Variants in PPP2R1A observed in about 807,000 individuals in gnomAD.
PPP2R1A encodes the protein serine/threonine-protein phosphatase 2A 65 kDa regulatory subunit A alpha isoform.
A neutral mutation model predicts 67.1 loss-of-function variants in PPP2R1A; 15 were observed. The ratio of observed to expected loss-of-function variants is 0.22; its 90% CI spans 0.15 to 0.34. The LOEUF (loss-of-function observed/expected upper bound fraction) is 0.34. Ranked by LOEUF, PPP2R1A falls within the 10% of genes least tolerant of loss-of-function variation. The probability of loss-of-function intolerance (pLI) is 1.00; values close to 1 mark genes in which losing one functional copy is unlikely to be tolerated. For synonymous variants in PPP2R1A, 337 were observed against 325.0 expected (o/e 1.04, Z -0.40); for missense variants, 369 against 775.0 (o/e 0.48, Z 6.22).
At chr19:52,206,758 C>T (rs891565430) in intron 3 of PPP2R1A, among the ~76,000 whole-genome samples, 4 of 152,154 alleles carry the variant, frequency 2.6e-5, no homozygotes, top group African/African-American at 7.2e-5. Flanking sequence ...CAACAAGCAG[C>T]GTTGTTTGAG....
chr19:52,193,847 C>T (rs1016948411), intron 1 of PPP2R1A, among the ~76,000 whole-genome samples: 1 of 151,928 alleles, frequency 6.6e-6, no homozygotes, highest in South Asian at 2.1e-4. Context: ...TGAGCCACCA[C>T]CCCTGGCCAA....
intron 11 of PPP2R1A, 82 bp from the exon 12 acceptor site, chr19:52,220,897 C>A: frequency 6.6e-7 from 1 of 1,514,232 alleles, no homozygotes; most frequent in Non-Finnish European, 9.1e-7. Flanking sequence ...CTTTGTAAGC[C>A]ATGGTGAGTG....
At chr19:52,202,581 G>A (rs560091725) in intron 2 of PPP2R1A, among the ~76,000 whole-genome samples, 9 of 152,316 alleles carry the variant, frequency 5.9e-5, no homozygotes, top group African/African-American at 1.9e-4. Flanking sequence ...CTGTCCCCAT[G>A]TTATAGATGA....
In PPP2R1A at chr19:52,212,640, C is replaced by A. The variant is rs1568593863; in HGVS notation, c.504-46C>A. On this transcript the variant is annotated intron_variant, in intron 4 of 14. Transcript: ENST00000322088. This position sits in a 1 kb window ranked among gnomAD's most constrained non-coding sequence, Gnocchi z 4.1. ...CTGCAGAGTCTGTGCTTGCTCCTCT[C>A]TGCCATACTGCCTGCTGCCTCAGGA... The A allele has an allele frequency of 6.2e-7, 1 of 1,600,814 alleles. No homozygotes were observed. Among genetic ancestry groups the A allele is most frequent in the South Asian group, 1.1e-5 (1 of 90,656 alleles).
Position 52,213,781 on chromosome 19 carries a change from C to T in PPP2R1A, c.807+671C>T, listed in dbSNP as rs982282451. 2.6e-5 allele frequency among the ~76,000 whole-genome samples: 4 copies of T among 152,010 alleles called. No homozygotes were observed. Among genetic ancestry groups the T allele is most frequent in the Non-Finnish European group, 5.9e-5 (4 of 68,020 alleles). On this transcript the variant is annotated intron_variant, in intron 6 of 14. Coordinates refer to ENST00000322088, the MANE Select transcript of PPP2R1A (RefSeq NM_014225.6). The surrounding 1 kb of genome is among the most constrained non-coding windows in gnomAD (Gnocchi z 4.2). ...GATTACAGGTGTTAGCCACCGCGCC[C>T]AGCCCCGGAAAGTTTAATTAACTGA...
rs553272752 is a variant in PPP2R1A, at chr19:52,221,980, C to T, written c.1519-119C>T. 9.2e-5 allele frequency: 93 copies of T among 1,012,662 alleles called. No individual in the cohort carries two copies. In the East Asian group the frequency reaches 2.3e-3, roughly 25 times the overall value. 62.7% of individuals were successfully genotyped at this position (1,012,662 alleles called of 1,614,324 possible). On this transcript the variant is annotated intron_variant, in intron 12 of 14. Coordinates refer to ENST00000322088, the MANE Select transcript of PPP2R1A (RefSeq NM_014225.6). ...GATTCACTCCACTAACTGAGTCACC[C>T]GTATTGCTCAGCCTCTGTGGGGCCT...
chr19:52,212,865 C>T lies in PPP2R1A; in HGVS notation c.651+32C>T, dbSNP rs747826785. 19 of 1,577,014 alleles carry T rather than the reference C, an allele frequency of 1.2e-5. No homozygotes were observed. The highest frequency in any genetic ancestry group is 3.5e-5 in the South Asian group (3 of 85,020). ...TTTGCTTCCTGGCCCTCTGCTCTCC[C>T]GTCCTTCTGGTGGTTCCTGCCCATG... On this transcript the variant is annotated intron_variant, in intron 5 of 14. Coordinates refer to ENST00000322088, the MANE Select transcript of PPP2R1A (RefSeq NM_014225.6). This position sits in a 1 kb window ranked among gnomAD's most constrained non-coding sequence, Gnocchi z 4.1.
In PPP2R1A at chr19:52,191,965, C is replaced by T. The variant is rs984535867; in HGVS notation, c.78+1791C>T. On this transcript the variant is annotated intron_variant, in intron 1 of 14. Coordinates refer to ENST00000322088, the MANE Select transcript of PPP2R1A (RefSeq NM_014225.6). ...TATAGCAGGAACAAGACAGAAAAAA[C>T]TCTAGGCCTTGGGGAGTTTATTTTG... 3.3e-5 allele frequency among the ~76,000 whole-genome samples: 5 copies of T among 152,212 alleles called. No homozygotes were observed. The South Asian group carries it at 6.2e-4, about 19-fold the overall frequency.
chr19:52,217,688 TTCTC>T (rs922649305), intron 9 of PPP2R1A, among the ~76,000 whole-genome samples: 10 of 152,172 alleles, frequency 6.6e-5, no homozygotes, highest in African/African-American at 2.4e-4. Flanking sequence ...TGGATTTTTT[TTCTC>T]TCTCTCATAA....
At position 52,219,755 on chromosome 19, in the gene PPP2R1A, G is replaced by A. The variant is rs910814626; in HGVS notation, c.1193G>A (p.Arg398Gln). The A allele has an allele frequency of 1.2e-6, 2 of 1,614,038 alleles. No individual in the cohort carries two copies. Among genetic ancestry groups the A allele is most frequent in the Non-Finnish European group, 1.7e-6 (2 of 1,180,026 alleles). ...LDCVNEVIGI[R>Q]QLSQSLLPAI... ...TGTGTGAACGAGGTGATTGGCATCC[G>A]GCAGCTGTCCCAGTCCCTGCTCCCT... The change falls in exon 10 of 15, where the codon CGG (arginine) becomes CAG (glutamine). Residue 398 changes from arginine to glutamine, a missense_variant. By Grantham distance (43) the Arg-to-Gln change is conservative (BLOSUM62 1). Coordinates refer to ENST00000322088, the MANE Select transcript of PPP2R1A (RefSeq NM_014225.6). This position sits in a 1 kb window ranked among gnomAD's most constrained non-coding sequence, Gnocchi z 4.0.
chr19:52,216,049 T>C lies in PPP2R1A; in HGVS notation c.968T>C (p.Met323Thr), dbSNP rs1346749611. The C allele has an allele frequency of 6.2e-7, 1 of 1,614,014 alleles. No homozygotes were observed. Among genetic ancestry groups the C allele is most frequent in the South Asian group, 1.1e-5 (1 of 91,082 alleles). The change falls in exon 8 of 15, where the codon ATG (methionine) becomes ACG (threonine). Residue 323 changes from methionine to threonine, a missense_variant. Transcript: ENST00000322088. This position sits in a 1 kb window ranked among gnomAD's most constrained non-coding sequence, Gnocchi z 4.3. The stretch of plus-strand genomic sequence containing the variant: ...GCTGACTGTCGGGAGAATGTGATCA[T>C]GTCCCAGATCTTGCCCTGCATCAAG... ...LSADCRENVI[M>T]SQILPCIKEL...
chr19:52,197,873 A>G (rs2089510548), intron 1 of PPP2R1A, among the ~76,000 whole-genome samples: 1 of 152,190 alleles, frequency 6.6e-6, no homozygotes, highest in South Asian at 2.1e-4. Flanking sequence ...TGAGGGTCAA[A>G]TGAATTAAAA....
At chr19:52,220,379 C>T in intron 11 of PPP2R1A, 130 bp downstream of exon 11, 1 of 956,916 alleles carries the variant, frequency 1.0e-6, no homozygotes. Context: ...TCGTATGGAC[C>T]AGCTCGCATG....
intron 1 of PPP2R1A, among the ~76,000 whole-genome samples, chr19:52,198,052 A>G (rs972713427): frequency 6.6e-6 from 1 of 152,212 alleles, no homozygotes; most frequent in African/African-American, 2.4e-5. Context: ...CACGGCTGCC[A>G]TTATTAATCT....
At position 52,211,516 on chromosome 19, in the gene PPP2R1A, C is replaced by A; in HGVS notation, c.503+24C>A. On this transcript the variant is annotated intron_variant, in intron 4 of 14. Coordinates refer to ENST00000322088, the MANE Select transcript of PPP2R1A (RefSeq NM_014225.6). The surrounding 1 kb of genome is among the most constrained non-coding windows in gnomAD (Gnocchi z 5.3). ...CAGTGAGTCTCTGCCTCCTTGGAAGCTCCAAGCTCCCATCTCAGCTCCAAC... is the reference window on the plus strand; with the variant it reads ...CAGTGAGTCTCTGCCTCCTTGGAAGATCCAAGCTCCCATCTCAGCTCCAAC... 1 of 1,585,554 alleles carries A rather than the reference C, an allele frequency of 6.3e-7. No homozygotes were observed. The highest frequency in any genetic ancestry group is 1.1e-5 in the South Asian group (1 of 87,716).
At chr19:52,197,386 C>CA (rs957651028) in intron 1 of PPP2R1A, among the ~76,000 whole-genome samples, 2 of 151,780 alleles carry the variant, frequency 1.3e-5, no homozygotes, top group East Asian at 1.9e-4. Context: ...AGAGAAAAAC[C>CA]AAAAAAAGCC....
At chr19:52,214,078 G>C (rs1978423169) in intron 6 of PPP2R1A, among the ~76,000 whole-genome samples, 1 of 152,142 alleles carries the variant, frequency 6.6e-6, no homozygotes, top group Non-Finnish European at 1.5e-5. Context: ...GAAGCATTGA[G>C]GAGGGGAGGT....
At position 52,211,210 on chromosome 19, in the gene PPP2R1A, T is replaced by A; in HGVS notation, c.271-50T>A. ...GGGGTGCAGGATGGGGCTCCAGGGC[T>A]GCGGATGGTGGAGAGGGAGCTGTCC... On this transcript the variant is annotated intron_variant, in intron 3 of 14. Transcript: ENST00000322088. This position sits in a 1 kb window ranked among gnomAD's most constrained non-coding sequence, Gnocchi z 5.3. The A allele has an allele frequency of 2.6e-6, 4 of 1,563,378 alleles. No homozygotes were observed. Among genetic ancestry groups the A allele is most frequent in the Non-Finnish European group, 3.5e-6 (4 of 1,146,498 alleles).
At chr19:52,221,923 A>G in intron 12 of PPP2R1A, 176 bp from the exon 13 acceptor site, 1 of 561,764 alleles carries the variant, frequency 1.8e-6, no homozygotes, top group Non-Finnish European at 3.0e-6. Context: ...AAACTGGGAC[A>G]TGGTGTTAGG....
Sources: allele counts gnomAD v4.1 joint callset (sites outside exome capture counted in the v4.1 genomes callset), GRCh38; gene constraint gnomAD v4.1.1; non-coding constraint Gnocchi (gnomAD v3.1); transcripts MANE v1.5; gene names NCBI Gene and HGNC (gene_info 2026-07-23, HGNC 2026-07-21).